CSMD1: variants seen among roughly 807,000 people sequenced by gnomAD.
The protein encoded by CSMD1 is CUB and sushi domain-containing protein 1.
CSMD1 carries 213 observed loss-of-function variants against 417.5 expected under a neutral mutation model. That is an observed-to-expected ratio of 0.51 (90% CI 0.46 to 0.57). CSMD1 has a LOEUF of 0.57. Ranked by LOEUF, CSMD1 falls within the 20% of genes least tolerant of loss-of-function variation. The pLI is 0.00. For synonymous variants in CSMD1, 2,862 were observed against 1,736.8 expected (o/e 1.65, Z -16.11); for missense variants, 6,923 against 4,529.7 (o/e 1.53, Z -15.17).
chr8:3,554,133 T>C (rs913028246), intron 10 of CSMD1, among the ~76,000 whole-genome samples: 1 of 152,252 alleles, frequency 6.6e-6, no homozygotes, highest in African/African-American at 2.4e-5. Flanking sequence ...TCATGCCTTT[T>C]ATACAAGTGA....
intron 1 of CSMD1, among the ~76,000 whole-genome samples, chr8:4,656,112 G>A (rs1175179727): frequency 6.6e-6 from 1 of 152,044 alleles, no homozygotes; most frequent in Non-Finnish European, 1.5e-5. Context: ...GGGGCAAAGT[G>A]TATCGTGTGT....
chr8:2,999,154 C>CTTT (rs33927768), intron 53 of CSMD1, among the ~76,000 whole-genome samples: 21 of 116,446 alleles, frequency 1.8e-4, no homozygotes, highest in Non-Finnish European at 2.6e-4. Flanking sequence ...TTTTTTTTCC[C>CTTT]TTTTTTTTTT....
chr8:4,800,506 A>G (rs74299168), intron 1 of CSMD1, among the ~76,000 whole-genome samples: 9,705 of 152,002 alleles, frequency 0.064, 508 homozygotes, highest in East Asian at 0.23. Flanking sequence ...CTGGGAAATC[A>G]ATGCTGACAC....
At chr8:3,135,484 T>C (rs13253008) in intron 41 of CSMD1, among the ~76,000 whole-genome samples, 15 of 35,244 alleles carry the variant, frequency 4.3e-4, no homozygotes, top group Non-Finnish European at 7.3e-4. Context: ...CTTTAAAACA[T>C]GCTCTTGAGT....
chr8:4,267,592 G>T (rs1424379109), intron 3 of CSMD1, among the ~76,000 whole-genome samples: 1 of 151,798 alleles, frequency 6.6e-6, no homozygotes. Context: ...CACATTCTTG[G>T]TTGGTAGAAA....
chr8:4,867,451 A>G (rs1585235674), intron 1 of CSMD1, among the ~76,000 whole-genome samples: 1 of 152,134 alleles, frequency 6.6e-6, no homozygotes, highest in African/African-American at 2.4e-5. Context: ...CCAATAAAGT[A>G]TAATTATTTA....
At position 4,785,510 on chromosome 8, in the gene CSMD1, C is replaced by G. The variant is rs769886107; in HGVS notation, c.86-147952G>C. ...GCAGAGACTTAGAAAGCTGATTACC[C>G]TAGACAGCACCAGAGAGCTTGGTTT... On this transcript the variant is annotated intron_variant, in intron 1 of 69. Coordinates refer to ENST00000635120, the MANE Select transcript of CSMD1 (RefSeq NM_033225.6). Among the ~76,000 whole-genome samples the G allele has an allele frequency of 2.0e-5, 3 of 152,268 alleles. No homozygotes were observed. The Middle Eastern group carries it at 0.01, about 518-fold the overall frequency.
intron 3 of CSMD1, among the ~76,000 whole-genome samples, chr8:4,235,672 C>T (rs1408687607): frequency 6.6e-6 from 1 of 152,278 alleles, no homozygotes; most frequent in South Asian, 2.1e-4. Flanking sequence ...ATGGGTCAGC[C>T]TGTTGCCATG....
chr8:4,119,727 C>T (rs150057593), intron 3 of CSMD1, among the ~76,000 whole-genome samples: 5 of 152,326 alleles, frequency 3.3e-5, no homozygotes, highest in Admixed American at 1.3e-4. Flanking sequence ...CACAAACTTC[C>T]AGCCTCCAAA....
chr8:4,250,761 T>A (rs180918057), intron 3 of CSMD1, among the ~76,000 whole-genome samples: 2 of 152,294 alleles, frequency 1.3e-5, no homozygotes, highest in African/African-American at 4.8e-5. Flanking sequence ...TAAATATGTA[T>A]AAATATGCCA....
intron 3 of CSMD1, among the ~76,000 whole-genome samples, chr8:4,172,247 A>T (rs1714756): frequency 1 from 152,139 of 152,308 alleles, 75,985 homozygotes; most frequent in Middle Eastern, 1. Flanking sequence ...GTCTGCACTG[A>T]ACAAATGAAT....
chr8:3,865,812 C>G (rs1805056751), intron 5 of CSMD1, among the ~76,000 whole-genome samples: 1 of 152,092 alleles, frequency 6.6e-6, no homozygotes, highest in Non-Finnish European at 1.5e-5. Context: ...TTTTGGTATA[C>G]TGTAAATACC....
chr8:3,517,026 G>A (rs1444752933), intron 10 of CSMD1, among the ~76,000 whole-genome samples: 2 of 152,150 alleles, frequency 1.3e-5, no homozygotes, highest in Non-Finnish European at 2.9e-5. Context: ...GTGAGCAAAG[G>A]AGCTGGTGTG....
At chr8:3,808,780 G>T (rs765527411) in intron 5 of CSMD1, among the ~76,000 whole-genome samples, 1 of 152,176 alleles carries the variant, frequency 6.6e-6, no homozygotes. Flanking sequence ...TAGGTAGTTT[G>T]TCTCGGAATT....
chr8:4,316,343 T>C (rs1359553483), intron 3 of CSMD1, among the ~76,000 whole-genome samples: 1 of 152,116 alleles, frequency 6.6e-6, no homozygotes, highest in Non-Finnish European at 1.5e-5. Flanking sequence ...CCAAGCGGTT[T>C]CTTAGGTTAT....
intron 59 of CSMD1, among the ~76,000 whole-genome samples, chr8:2,965,013 A>C (rs1427049135): frequency 6.6e-6 from 1 of 152,156 alleles, no homozygotes; most frequent in African/African-American, 2.4e-5. Context: ...TTGGTCACTG[A>C]CAGCTTTCAA....
intron 1 of CSMD1, among the ~76,000 whole-genome samples, chr8:4,931,316 G>A (rs1807230007): frequency 6.6e-6 from 1 of 151,856 alleles, no homozygotes; most frequent in South Asian, 2.1e-4. Context: ...TCTCCTTCTG[G>A]TCGCTACGAG....
chr8:3,387,569 AC>A lies in CSMD1; in HGVS notation c.2706del (p.Tyr903ThrfsTer3). On this transcript the variant is annotated frameshift_variant, in exon 18 of 70. Transcript: ENST00000635120. LOFTEE classifies it high-confidence loss of function. ...AGGGGCTCGTCGTCACTTAGTGTGT[AC>A]CCCGGGTCACAGCTGAAAGTCACTG... ...RSTVTFSCDP[G>X]YTLSDDEPLV... 6.2e-7 allele frequency: 1 copy of A among 1,600,930 alleles called. No homozygotes were observed. The highest frequency in any genetic ancestry group is 1.3e-5 in the African/African-American group (1 of 74,754).
chr8:3,583,077 G>C (rs1469751875), intron 9 of CSMD1, among the ~76,000 whole-genome samples: 3 of 152,126 alleles, frequency 2.0e-5, no homozygotes, highest in East Asian at 1.9e-4. Context: ...GTGGACAGCA[G>C]CTTTGACCTC....
Sources: allele counts gnomAD v4.1 joint callset (sites outside exome capture counted in the v4.1 genomes callset), GRCh38; gene constraint gnomAD v4.1.1; transcripts MANE v1.5; gene names NCBI Gene and HGNC (gene_info 2026-07-23, HGNC 2026-07-21).